Variants in DSCAM observed in about 807,000 individuals in gnomAD.
DSCAM encodes the protein cell adhesion molecule DSCAM.
DSCAM carries 47 observed loss-of-function variants against 217.7 expected under a neutral mutation model. The ratio of observed to expected loss-of-function variants is 0.22; its 90% CI spans 0.17 to 0.28. The LOEUF (loss-of-function observed/expected upper bound fraction) is 0.28. DSCAM is among the 10% of genes least tolerant of loss of function. DSCAM has a pLI of 1.00. For synonymous variants in DSCAM, 1,056 were observed against 1,015.3 expected, an observed-to-expected ratio of 1.04 and a Z score of -0.76; for missense variants, 2,080 against 2,618.3, an observed-to-expected ratio of 0.79 and a Z score of 4.49.
intron 2 of DSCAM, among the ~76,000 whole-genome samples, chr21:40,705,034 C>A (rs147927198): frequency 1.9e-3 from 286 of 152,168 alleles, no homozygotes; most frequent in African/African-American, 6.7e-3. Context: ...TAAGAGTGAT[C>A]AAGTATCAAG....
chr21:40,301,711 C>A (rs1397303107), intron 9 of DSCAM, among the ~76,000 whole-genome samples: 1 of 152,150 alleles, frequency 6.6e-6, no homozygotes, highest in Non-Finnish European at 1.5e-5. Context: ...ATGCCCAGCG[C>A]ACAGCACAGA....
chr21:40,573,207 G>A (rs796972507), intron 3 of DSCAM, among the ~76,000 whole-genome samples: 15 of 152,144 alleles, frequency 9.9e-5, no homozygotes, highest in African/African-American at 3.1e-4. Flanking sequence ...GCGCGGTGGC[G>A]GGTGACTGTA....
intron 3 of DSCAM, among the ~76,000 whole-genome samples, chr21:40,604,333 T>G (rs1019920283): frequency 3.9e-5 from 6 of 152,220 alleles, no homozygotes; most frequent in African/African-American, 1.4e-4. Context: ...CATCTGTTCT[T>G]GCTTGTCATC....
rs545616713 is a variant in DSCAM at position 40,369,380 on chromosome 21, G to A, written c.509-135C>T. On this transcript the variant is annotated intron_variant, in intron 3 of 32. Transcript: ENST00000400454. ...GAAAAGGCTAAAAATGGGTGCGTGC[G>A]TCTGCGTGTGTGTGTGTGTGTGTGT... is the stretch of plus-strand genomic sequence containing the variant. 8.6e-4 allele frequency: 610 copies of A among 710,556 alleles called. 5 individuals carry two copies. Among genetic ancestry groups the A allele is most frequent in the Middle Eastern group, 4.0e-4 (1 of 2,504 alleles). The allele number at this position is 710,556 out of a possible 1,614,324, so 44.0% of individuals were successfully genotyped here. A position where few individuals can be genotyped will look rare whatever the true frequency, so the allele number is the denominator to read the frequency against.
At chr21:40,015,424 T>C (rs1203660946) in intron 32 of DSCAM, among the ~76,000 whole-genome samples, 2 of 151,716 alleles carry the variant, frequency 1.3e-5, no homozygotes, top group African/African-American at 4.8e-5. Flanking sequence ...ACTCTTTTTT[T>C]TTTTTTTCTT....
intron 20 of DSCAM, among the ~76,000 whole-genome samples, chr21:40,106,354 TA>T (rs1490028109): frequency 1.3e-5 from 2 of 152,204 alleles, no homozygotes; most frequent in African/African-American, 4.8e-5. Context: ...CTTTTTGATG[TA>T]TTGCTGGATT....
At chr21:40,330,091 A>G (rs192324630) in intron 8 of DSCAM, among the ~76,000 whole-genome samples, 111 of 152,030 alleles carry the variant, frequency 7.3e-4, no homozygotes, top group Admixed American at 1.6e-3. Flanking sequence ...TCATTCCACA[A>G]TGGATATATA....
rs191334005 is a variant in DSCAM, at chr21:40,597,635, T to C, written c.508+95175A>G. 7.8e-3 allele frequency among the ~76,000 whole-genome samples: 1,176 copies of C among 151,252 alleles called. 39 individuals carry two copies. Among genetic ancestry groups the C allele is most frequent in the Non-Finnish European group, 4.8e-3 (325 of 67,862 alleles). ...TATTCTTCCCCCTCAGCCTCCCAAG[T>C]AGCTGGGACTACAGGTGCCCACCAC... On this transcript the variant is annotated intron_variant, in intron 3 of 32. Coordinates refer to ENST00000400454, the MANE Select transcript of DSCAM (RefSeq NM_001389.5).
At position 40,347,914 on chromosome 21, in the gene DSCAM, C is replaced by G. The variant is rs761507914; in HGVS notation, c.966G>C (p.Lys322Asn). The G allele has an allele frequency of 1.7e-5, 27 of 1,613,320 alleles. No homozygotes were observed. Among genetic ancestry groups the G allele is most frequent in the Non-Finnish European group, 2.2e-5 (26 of 1,179,506 alleles). Reference sequence around the variant, plus strand: ...CTTGGCTACCCACGCTGCTTTTAACCTTCCTGGGACTGATGGTGGCTTTCA... The same window carrying G: ...CTTGGCTACCCACGCTGCTTTTAACGTTCCTGGGACTGATGGTGGCTTTCA... ...QPLKATISPRKVKSSVGSQVS... is the reference protein window; with the variant it reads ...QPLKATISPRNVKSSVGSQVS... The change falls in exon 6 of 33, where the codon AAG (lysine) becomes AAC (asparagine). Residue 322 changes from lysine to asparagine, a missense_variant. This residue lies in a region of DSCAM where 568 missense variants were observed against 678.1 expected (regional missense o/e 0.84). Coordinates refer to ENST00000400454, the MANE Select transcript of DSCAM (RefSeq NM_001389.5).
chr21:40,454,588 G>C (rs1054606967), intron 3 of DSCAM, among the ~76,000 whole-genome samples: 2 of 152,210 alleles, frequency 1.3e-5, no homozygotes, highest in African/African-American at 4.8e-5. Flanking sequence ...GTGTTTAATA[G>C]CTGCAGAGTT....
At chr21:40,660,533 G>T (rs143228340) in intron 3 of DSCAM, among the ~76,000 whole-genome samples, 23 of 152,282 alleles carry the variant, frequency 1.5e-4, no homozygotes, top group African/African-American at 5.5e-4. Flanking sequence ...CCAAATGGAC[G>T]TGAGGTTCTA....
At position 40,162,167 on chromosome 21, in the gene DSCAM, C is replaced by G. The variant is rs182717895; in HGVS notation, c.3018+5051G>C. 5.4e-4 allele frequency among the ~76,000 whole-genome samples: 82 copies of G among 152,328 alleles called. 2 individuals carry two copies. The highest frequency in any genetic ancestry group is 5.2e-3 in the Admixed American group (79 of 15,298). On this transcript the variant is annotated intron_variant, in intron 16 of 32. Coordinates refer to ENST00000400454, the MANE Select transcript of DSCAM (RefSeq NM_001389.5). ...AACCCAGGAGGCAGAACCAGGCAGC[C>G]TGGGTGGAAGTCCTCAATCTGACAG...
intron 2 of DSCAM, among the ~76,000 whole-genome samples, chr21:40,705,207 A>C (rs893219733): frequency 6.6e-6 from 1 of 152,224 alleles, no homozygotes; most frequent in Non-Finnish European, 1.5e-5. Context: ...ACTAAACAAC[A>C]TCTTTGTTGC....
intron 8 of DSCAM, among the ~76,000 whole-genome samples, chr21:40,332,168 A>G (rs1300225553): frequency 6.6e-6 from 1 of 152,104 alleles, no homozygotes; most frequent in Non-Finnish European, 1.5e-5. Context: ...GTCCCTCAAT[A>G]TCTTTTGCCC....
chr21:40,239,357 C>T, intron 11 of DSCAM, among the ~76,000 whole-genome samples: 1 of 152,080 alleles, frequency 6.6e-6, no homozygotes, highest in East Asian at 1.9e-4. Context: ...TGCTTTAGAT[C>T]ACAAGATAGA....
intron 3 of DSCAM, among the ~76,000 whole-genome samples, chr21:40,635,812 A>G (rs2089751148): frequency 6.6e-6 from 1 of 152,226 alleles, no homozygotes; most frequent in African/African-American, 2.4e-5. Context: ...TTAGATAAAA[A>G]TTTTGTAATC....
chr21:40,337,550 T>C (rs1489565419), intron 8 of DSCAM, among the ~76,000 whole-genome samples: 1 of 152,136 alleles, frequency 6.6e-6, no homozygotes, highest in Non-Finnish European at 1.5e-5. Context: ...CTAAAGATCA[T>C]CCTGACAGGT....
chr21:40,268,683 T>A (rs903383599), intron 11 of DSCAM, among the ~76,000 whole-genome samples: 4 of 152,120 alleles, frequency 2.6e-5, no homozygotes. Flanking sequence ...CTGTGGTGGC[T>A]CATGCCTGTA....
intron 3 of DSCAM, among the ~76,000 whole-genome samples, chr21:40,553,782 T>C (rs2076649027): frequency 6.6e-6 from 1 of 152,170 alleles, no homozygotes; most frequent in East Asian, 1.9e-4. Flanking sequence ...TGAATTATTT[T>C]TTTTAACATT....
Sources: gnomAD v4.1 joint callset for allele counts (sites outside exome capture counted in the v4.1 genomes callset) on GRCh38, gnomAD v4.1.1 for gene constraint, gnomAD v4.1.1 regional missense constraint, MANE v1.5 for transcripts, NCBI Gene and HGNC (gene_info 2026-07-23, HGNC 2026-07-21) for gene names.